Variants in PAK2 observed in about 807,000 individuals in gnomAD.
PAK2 encodes p21 (RAC1) activated kinase 2, also known as serine/threonine-protein kinase PAK 2.
Under a neutral mutation model 65.9 loss-of-function variants are expected in PAK2, and 21 were observed. The ratio of observed to expected loss-of-function variants is 0.32; its 90% CI spans 0.23 to 0.46. The LOEUF is 0.46. PAK2 is among the 20% of genes least tolerant of loss of function. The pLI is 1.00. For synonymous variants in PAK2, 204 were observed against 219.7 expected (o/e 0.93, Z 0.63); for missense variants, 324 against 642.6 (o/e 0.50, Z 5.36).
intron 2 of PAK2, among the ~76,000 whole-genome samples, chr3:196,788,750 G>C (rs1714975794): frequency 1.3e-5 from 2 of 152,180 alleles, no homozygotes. Context: ...GGAAACGATA[G>C]TTACAAAGTG....
chr3:196,785,131 T>C (rs925378960), intron 2 of PAK2: 9 of 152,240 alleles, frequency 5.9e-5, no homozygotes, highest in Non-Finnish European at 1.2e-4. Flanking sequence ...GATGTGCAGC[T>C]CATATTAAAA....
At chr3:196,809,986 G>A (rs958628158) in intron 7 of PAK2, among the ~76,000 whole-genome samples, 1 of 151,908 alleles carries the variant, frequency 6.6e-6, no homozygotes, top group Non-Finnish European at 1.5e-5. Flanking sequence ...ACAAACATAT[G>A]ATTAGTTTAT....
rs142336501 is a variant in PAK2, at chr3:196,748,099, A to G, written c.-22+7942A>G. On this transcript the variant is annotated intron_variant, in intron 1 of 14. Transcript: ENST00000327134. ...AGAGCTTTGAACAAATAGGTATGAA[A>G]TAAGTATGTGTTGGTTGAGTGTCAC... Among the ~76,000 whole-genome samples the G allele has an allele frequency of 1.9e-4, 29 of 152,122 alleles. 1 individual carries two copies. The highest frequency in any genetic ancestry group is 6.8e-4 in the African/African-American group (28 of 41,412).
At chr3:196,741,831 T>TA (rs139619789) in intron 1 of PAK2, among the ~76,000 whole-genome samples, 4,334 of 152,266 alleles carry the variant, frequency 0.028, 147 homozygotes, top group Admixed American at 0.1. Context: ...ACTTGGTCTG[T>TA]AGATGTTGGC....
In PAK2 at chr3:196,820,473, CT is replaced by C; in HGVS notation, c.1258del (p.Tyr420MetfsTer18). ...GCACCAGAGGTGGTTACACGGAAAG[CT>C]TATGGCCCTAAAGTCGACATATGGT... is the stretch of plus-strand genomic sequence containing the variant. ...WMAPEVVTRK[A>X]YGPKVDIWSL... On this transcript the variant is annotated frameshift_variant, in exon 13 of 15. Coordinates refer to ENST00000327134, the MANE Select transcript of PAK2 (RefSeq NM_002577.4). LOFTEE classifies it high-confidence loss of function. This position sits in a 1 kb window ranked among gnomAD's most constrained non-coding sequence, Gnocchi z 4.6. The C allele has an allele frequency of 1.2e-6, 2 of 1,612,952 alleles. No homozygotes were observed. The highest frequency in any genetic ancestry group is 1.7e-6 in the Non-Finnish European group (2 of 1,179,052).
intron 11 of PAK2, among the ~76,000 whole-genome samples, chr3:196,815,644 G>T (rs1279669828): frequency 6.6e-6 from 1 of 151,850 alleles, no homozygotes; most frequent in East Asian, 1.9e-4. Context: ...AAAATTAGCT[G>T]GGTGTGGTGG....
In PAK2 at chr3:196,795,919, C is replaced by T. The variant is rs1277560973; in HGVS notation, c.188-6008C>T. ...GGTTTCGCGGAAGGTAGTTTTTCCA[C>T]AGACCCAGTGGTGCGGGGGAATGGT... On this transcript the variant is annotated intron_variant, in intron 2 of 14. Transcript: ENST00000327134. Among the ~76,000 whole-genome samples, 3 of 152,360 alleles carry T rather than the reference C, an allele frequency of 2.0e-5. No individual in the cohort carries two copies. The East Asian group carries it at 5.8e-4, about 29-fold the overall frequency.
chr3:196,776,393 C>G (rs1298758767), intron 1 of PAK2, among the ~76,000 whole-genome samples: 1 of 152,194 alleles, frequency 6.6e-6, no homozygotes, highest in Admixed American at 6.5e-5. Context: ...GAGAGCTAAA[C>G]TAGCCCTCTG....
At chr3:196,800,741 G>A (rs1023496322) in intron 2 of PAK2, among the ~76,000 whole-genome samples, 1 of 152,148 alleles carries the variant, frequency 6.6e-6, no homozygotes, top group Non-Finnish European at 1.5e-5. Context: ...GAACCAAAAT[G>A]GCGCTGGCCT....
At chr3:196,815,369 G>C (rs1465777383) in intron 11 of PAK2, among the ~76,000 whole-genome samples, 1 of 151,596 alleles carries the variant, frequency 6.6e-6, no homozygotes, top group Non-Finnish European at 1.5e-5. Context: ...GTGCACGCCT[G>C]TAATCCCAGC....
Position 196,812,244 on chromosome 3 carries a change from A to G in PAK2, c.799A>G (p.Thr267Ala). The G allele has an allele frequency of 1.9e-6, 3 of 1,593,414 alleles. No homozygotes were observed. Among genetic ancestry groups the G allele is most frequent in the Non-Finnish European group, 2.6e-6 (3 of 1,161,416 alleles). Residue 267 changes from threonine (T) to alanine (A), a missense_variant, in exon 9 of 15, where the codon ACT (threonine) becomes GCT (alanine). Physicochemically the swap from Thr to Ala is moderately conservative, Grantham distance 58. This residue lies in a region of PAK2 where 183 missense variants were observed against 246.2 expected (regional missense o/e 0.74). Transcript: ENST00000327134. The stretch of plus-strand genomic sequence containing the variant: ...GGCTTCTGGTACAGTTTTCACTGCT[A>G]CTGACGTTGCACTGGGACAGGAGGT... ...QGASGTVFTA[T>A]DVALGQEVAI...
intron 11 of PAK2, among the ~76,000 whole-genome samples, chr3:196,817,346 TGTCC>T (rs2108770647): frequency 6.6e-6 from 1 of 151,332 alleles, no homozygotes; most frequent in South Asian, 2.1e-4. Flanking sequence ...TCTTTCTTTC[TGTCC>T]GTCTTTTTTT....
intron 1 of PAK2, among the ~76,000 whole-genome samples, chr3:196,760,264 GTTTT>G (rs1329094958): frequency 6.6e-6 from 1 of 151,894 alleles, no homozygotes; most frequent in Non-Finnish European, 1.5e-5. Context: ...TTGTTTGTTT[GTTTT>G]GAGACAGCGT....
At chr3:196,783,390 G>A (rs1291786265) in intron 2 of PAK2, among the ~76,000 whole-genome samples, 1 of 151,882 alleles carries the variant, frequency 6.6e-6, no homozygotes. Flanking sequence ...GTTGTTGCAG[G>A]GACCTATCCC....
In PAK2 at chr3:196,827,299, T is replaced by G. The variant is rs1032382060; in HGVS notation, c.1454T>G (p.Val485Gly). The G allele has an allele frequency of 6.2e-7, 1 of 1,611,886 alleles. No individual in the cohort carries two copies. The highest frequency in any genetic ancestry group is 8.5e-7 in the Non-Finnish European group (1 of 1,179,092). Residue 485 changes from valine to glycine, a missense_variant, in exon 14 of 15, where the codon GTG becomes GGG. By Grantham distance (109) the Val-to-Gly change is moderately radical. This residue lies in a region of PAK2 where 43 missense variants were observed against 67.6 expected (regional missense o/e 0.64). Transcript: ENST00000327134. Reference sequence around the variant, plus strand: ...TTAAATCGATGTTTGGAAATGGATGTGGAAAAAAGGGGTTCAGCCAAAGAA... The same window carrying G: ...TTAAATCGATGTTTGGAAATGGATGGGGAAAAAAGGGGTTCAGCCAAAGAA... ...DFLNRCLEMD[V>G]EKRGSAKELL...
At chr3:196,799,485 T>C (rs574498622) in intron 2 of PAK2, among the ~76,000 whole-genome samples, 1 of 152,074 alleles carries the variant, frequency 6.6e-6, no homozygotes, top group African/African-American at 2.4e-5. Flanking sequence ...CATGTCTTTA[T>C]TGTGGATGCG....
intron 14 of PAK2, 92 bp from the exon 15 acceptor site, chr3:196,828,227 A>T (rs1176791471): frequency 2.6e-5 from 19 of 718,528 alleles, no homozygotes; most frequent in Non-Finnish European, 4.5e-5. Flanking sequence ...ATGATCGACA[A>T]GTAGTCTTTG....
At chr3:196,762,831 T>G (rs1173306825) in intron 1 of PAK2, among the ~76,000 whole-genome samples, 2 of 149,144 alleles carry the variant, frequency 1.3e-5, no homozygotes, top group Admixed American at 6.7e-5. Context: ...AGAAGCCAGG[T>G]GACTGAATTT....
At position 196,805,675 on chromosome 3, in the gene PAK2, T is replaced by G. The variant is rs77376468; in HGVS notation, c.468+292T>G. 4.9e-3 allele frequency among the ~76,000 whole-genome samples: 744 copies of G among 152,176 alleles called. 7 individuals are homozygous for G. Among genetic ancestry groups the G allele is most frequent in the African/African-American group, 0.017 (716 of 41,548 alleles). ...AACACAAAGAACTTGCTAGCATATA[T>G]TTTCCTCTCCATCCCTCAGTTTTCC... On this transcript the variant is annotated intron_variant, in intron 5 of 14. Coordinates refer to ENST00000327134, the MANE Select transcript of PAK2 (RefSeq NM_002577.4).
Sources: gnomAD v4.1 joint callset for allele counts (sites outside exome capture counted in the v4.1 genomes callset) on GRCh38, gnomAD v4.1.1 for gene constraint, gnomAD v4.1.1 regional missense constraint, Gnocchi (gnomAD v3.1) non-coding constraint, MANE v1.5 for transcripts, NCBI Gene and HGNC (gene_info 2026-07-23, HGNC 2026-07-21) for gene names.